Variants in BAALC observed in about 807,000 individuals in gnomAD.
BAALC encodes the protein BAALC binder of MAP3K1 and KLF4.
BAALC carries 9 observed loss-of-function variants against 15.5 expected under a neutral mutation model. The ratio of observed to expected loss-of-function variants is 0.58; its 90% CI spans 0.35 to 1.02. The LOEUF is 1.02. BAALC is among the 50% of genes least tolerant of loss of function. BAALC has a pLI of 0.02. For missense variants in BAALC, 201 were observed against 192.4 expected (o/e 1.04, Z -0.27); for synonymous variants, 80 against 74.6 (o/e 1.07, Z -0.37).
intron 1 of BAALC, among the ~76,000 whole-genome samples, chr8:103,210,310 C>T (rs1304621840): frequency 6.6e-6 from 1 of 152,254 alleles, no homozygotes; most frequent in African/African-American, 2.4e-5. Context: ...AGTCAGGGAG[C>T]TCTGGACCAG....
intron 1 of BAALC, among the ~76,000 whole-genome samples, chr8:103,196,159 A>G (rs1179221111): frequency 1.3e-5 from 2 of 152,212 alleles, no homozygotes; most frequent in African/African-American, 2.4e-5. Flanking sequence ...GGCCAGAAGA[A>G]GCAGGAGAGC....
At chr8:103,183,544 T>C (rs909437301) in intron 1 of BAALC, 1 of 679,960 alleles carries the variant, frequency 1.5e-6, no homozygotes, top group Non-Finnish European at 2.7e-6. Flanking sequence ...AGGTAATCTA[T>C]AGCTTGGGAG....
chr8:103,157,566 G>T (rs550419559), intron 1 of BAALC, among the ~76,000 whole-genome samples: 1 of 152,280 alleles, frequency 6.6e-6, no homozygotes, highest in East Asian at 1.9e-4. Flanking sequence ...CCAGCACATT[G>T]GGAGGCTGAG....
intron 1 of BAALC, among the ~76,000 whole-genome samples, chr8:103,195,407 C>T (rs754427338): frequency 6.6e-6 from 1 of 152,166 alleles, no homozygotes; most frequent in Non-Finnish European, 1.5e-5. Flanking sequence ...AGCACAAACC[C>T]CTAAATGGCA....
intron 1 of BAALC, among the ~76,000 whole-genome samples, chr8:103,205,554 A>G (rs1032008019): frequency 1.3e-5 from 2 of 152,184 alleles, no homozygotes; most frequent in Non-Finnish European, 2.9e-5. Context: ...ATAGATAGAT[A>G]GATCTATATA....
intron 1 of BAALC, among the ~76,000 whole-genome samples, chr8:103,174,010 A>G (rs1215402615): frequency 5.3e-5 from 8 of 152,190 alleles, no homozygotes; most frequent in Non-Finnish European, 1.2e-4. Flanking sequence ...CATTCTCACA[A>G]TGAGAAAGGT....
chr8:103,190,589 G>C (rs1230722266), intron 1 of BAALC, among the ~76,000 whole-genome samples: 1 of 152,092 alleles, frequency 6.6e-6, no homozygotes, highest in Non-Finnish European at 1.5e-5. Context: ...GACTTTCTTT[G>C]CTTTTCTTTG....
chr8:103,164,805 C>A (rs72671386), intron 1 of BAALC, among the ~76,000 whole-genome samples: 4 of 152,184 alleles, frequency 2.6e-5, no homozygotes, highest in Admixed American at 6.5e-5. Context: ...TTTCCCCATA[C>A]GCCTTTTCTT....
intron 2 of BAALC, 74 bp downstream of exon 2, chr8:103,213,159 A>G: frequency 2.0e-6 from 3 of 1,500,516 alleles, no homozygotes; most frequent in Non-Finnish European, 1.8e-6. Context: ...AGAGCCACCC[A>G]GCCGCTATGT....
At chr8:103,208,700 G>A (rs1812384428) in intron 1 of BAALC, among the ~76,000 whole-genome samples, 1 of 152,180 alleles carries the variant, frequency 6.6e-6, no homozygotes, top group Non-Finnish European at 1.5e-5. Context: ...CGGGCTTGGA[G>A]CTGTAAATCA....
At chr8:103,160,343 G>A (rs1811196855) in intron 1 of BAALC, among the ~76,000 whole-genome samples, 1 of 152,148 alleles carries the variant, frequency 6.6e-6, no homozygotes, top group African/African-American at 2.4e-5. Flanking sequence ...TAAATGGAGA[G>A]GATGAAGTAA....
intron 2 of BAALC, among the ~76,000 whole-genome samples, chr8:103,214,628 A>C (rs531685304): frequency 6.6e-5 from 10 of 152,358 alleles, no homozygotes; most frequent in East Asian, 3.9e-4. Context: ...AAGCTCACTA[A>C]CTAAAGGCCT....
At chr8:103,219,293 T>C (rs1812628617) in intron 2 of BAALC, among the ~76,000 whole-genome samples, 1 of 152,198 alleles carries the variant, frequency 6.6e-6, no homozygotes, top group African/African-American at 2.4e-5. Flanking sequence ...GAGCCTACTT[T>C]AGGGTTATGA....
intron 1 of BAALC, chr8:103,165,516 G>A (rs1811324674): frequency 6.6e-6 from 1 of 152,156 alleles, no homozygotes; most frequent in South Asian, 2.1e-4. Flanking sequence ...GCTGAAAAAG[G>A]ATCCAAATAA....
intron 1 of BAALC, among the ~76,000 whole-genome samples, chr8:103,163,353 C>T (rs548686318): frequency 6.6e-6 from 1 of 152,222 alleles, no homozygotes; most frequent in South Asian, 2.1e-4. Flanking sequence ...CTGCTCCCCG[C>T]CATATCTGCT....
At chr8:103,144,061 A>C (rs761807224) in intron 1 of BAALC, among the ~76,000 whole-genome samples, 35 of 152,128 alleles carry the variant, frequency 2.3e-4, no homozygotes, top group Admixed American at 3.9e-4. Flanking sequence ...AACTCCACAA[A>C]CATGTCTGCC....
At chr8:103,179,572 A>T (rs1811681575) in intron 1 of BAALC, among the ~76,000 whole-genome samples, 1 of 152,224 alleles carries the variant, frequency 6.6e-6, no homozygotes, top group Non-Finnish European at 1.5e-5. Flanking sequence ...TTCCCAGCTG[A>T]GGAATACCAG....
intron 1 of BAALC, chr8:103,208,556 G>C (rs956015093): frequency 6.6e-6 from 1 of 152,224 alleles, no homozygotes; most frequent in Non-Finnish European, 1.5e-5. Flanking sequence ...GCAGCCTCAC[G>C]GGGCCTGCTG....
Position 103,209,426 on chromosome 8 carries a change from G to A in BAALC, c.161-3493G>A, listed in dbSNP as rs549269600. ...CACTGGGGGAGACAGCAAGCAAAGG[G>A]AGCCCTGGCCAGCCTTGACTCCCAT... On this transcript the variant is annotated intron_variant, in intron 1 of 2. Transcript: ENST00000309982. 2.4e-3 allele frequency among the ~76,000 whole-genome samples: 368 copies of A among 152,206 alleles called. 2 individuals carry two copies. The highest frequency in any genetic ancestry group is 8.6e-3 in the African/African-American group (356 of 41,514).
Sources: gnomAD v4.1 joint callset for allele counts (sites outside exome capture counted in the v4.1 genomes callset) on GRCh38, gnomAD v4.1.1 for gene constraint, MANE v1.5 for transcripts, NCBI Gene and HGNC (gene_info 2026-07-23, HGNC 2026-07-21) for gene names.